FSIP2: variants seen among roughly 807,000 people sequenced by gnomAD.
FSIP2 encodes the protein fibrous sheath interacting protein 2, also known as fibrous sheath-interacting protein 2.
A neutral mutation model predicts 510.5 loss-of-function variants in FSIP2; 367 were observed. That is an observed-to-expected ratio of 0.72 (90% confidence interval 0.66 to 0.78). The LOEUF (loss-of-function observed/expected upper bound fraction) is 0.78, where lower values mean the gene tolerates loss of function less well. Among genes scored for constraint, FSIP2 ranks in the 30% least tolerant of loss-of-function variants. FSIP2 has a pLI of 0.00. For missense variants in FSIP2, 7,594 were observed against 7,901.7 expected, an observed-to-expected ratio of 0.96 and a Z score of 1.48; for synonymous variants, 2,601 against 2,732.2, an observed-to-expected ratio of 0.95 and a Z score of 1.50.
At chr2:185,738,023 C>A (rs1430036184), upstream of FSIP2, among the ~76,000 whole-genome samples, 1 of 152,176 alleles carries the variant, frequency 6.6e-6, no homozygotes, top group Non-Finnish European at 1.5e-5. Flanking sequence ...GAAATGGTAA[C>A]TGTTATTACT....
chr2:185,764,381 T>A (rs1232896235), intron 12 of FSIP2, 121 bp from the exon 13 acceptor site: 1 of 537,402 alleles, frequency 1.9e-6, no homozygotes, highest in African/African-American at 1.9e-5. Flanking sequence ...TAAATTGACA[T>A]TAAAGAGAAA....
chr2:185,737,203 C>T (rs2105518128), upstream of FSIP2, among the ~76,000 whole-genome samples: 1 of 152,318 alleles, frequency 6.6e-6, no homozygotes, highest in Non-Finnish European at 1.5e-5. Flanking sequence ...CTTTGGATTA[C>T]TAACCTCCAT....
intron 7 of FSIP2, among the ~76,000 whole-genome samples, chr2:185,753,517 G>T (rs974093817): frequency 1.3e-5 from 2 of 151,340 alleles, no homozygotes; most frequent in African/African-American, 4.8e-5. Flanking sequence ...ATGTAGAGAG[G>T]TAAATTGCAT....
rs1374437804 is a variant in FSIP2, at chr2:185,800,254, A to G, written c.10948A>G (p.Arg3650Gly). The G allele has an allele frequency of 1.3e-6, 2 of 1,532,876 alleles. No individual in the cohort carries two copies. The highest frequency in any genetic ancestry group is 4.0e-5 in the Admixed American group (2 of 50,574). The allele number at this position is 1,532,876 out of a possible 1,614,324, so 95.0% of individuals were successfully genotyped here. Residue 3650 changes from arginine to glycine, a missense_variant, in exon 17 of 23, where the codon AGA (arginine) becomes GGA (glycine). Physicochemically the swap from Arg to Gly is moderately radical, Grantham distance 125 (BLOSUM62 -2). Transcript: ENST00000424728. ...TGTACCCCTTTGCAACAAAATCAAT[A>G]GACAGGCAAGCCCCAGAGACTGGCA... ...NSVPLCNKIN[R>G]QASPRDWQFS... is the part of the protein sequence containing the mutation.
chr2:185,739,630 T>C (rs1691881921), intron 2 of FSIP2, among the ~76,000 whole-genome samples, 159 bp downstream of exon 2: 1 of 152,236 alleles, frequency 6.6e-6, no homozygotes, highest in Non-Finnish European at 1.5e-5. Flanking sequence ...AGAATGCATA[T>C]GAAGCACTTT....
intron 16 of FSIP2, 164 bp downstream of exon 16, chr2:185,797,690 T>A (rs1042220876): frequency 1.5e-6 from 1 of 686,370 alleles, no homozygotes; most frequent in Non-Finnish European, 2.5e-6. Context: ...TTATTTTAAA[T>A]GTATTATTTT....
At chr2:185,769,671 G>C (rs1294752268) in intron 13 of FSIP2, among the ~76,000 whole-genome samples, 3 of 152,034 alleles carry the variant, frequency 2.0e-5, no homozygotes, top group Non-Finnish European at 4.4e-5. Flanking sequence ...ATTGCTTTTG[G>C]CATCTTCTTC....
chr2:185,830,899 T>C (rs1242272341), intron 21 of FSIP2, among the ~76,000 whole-genome samples: 1 of 151,906 alleles, frequency 6.6e-6, no homozygotes, highest in Non-Finnish European at 1.5e-5. Context: ...CAGGGATCCA[T>C]ACTTTTAAAA....
chr2:185,821,446 A>G (rs1427902156), intron 19 of FSIP2, among the ~76,000 whole-genome samples: 1 of 152,016 alleles, frequency 6.6e-6, no homozygotes, highest in Non-Finnish European at 1.5e-5. Flanking sequence ...TGATGCCAGC[A>G]TTACATTATT....
chr2:185,743,372 C>T (rs894549120), intron 3 of FSIP2, 78 bp downstream of exon 3: 8 of 875,020 alleles, frequency 9.1e-6, no homozygotes, highest in Non-Finnish European at 1.3e-5. Flanking sequence ...GTACCTCACT[C>T]GGGGGGCCTG....
chr2:185,772,072 C>A (rs1395899464), intron 13 of FSIP2, among the ~76,000 whole-genome samples: 1 of 152,178 alleles, frequency 6.6e-6, no homozygotes, highest in Non-Finnish European at 1.5e-5. Context: ...ACAAGTGTGA[C>A]CTTTGGCTCA....
At position 185,794,413 on chromosome 2, in the gene FSIP2, A is replaced by G; in HGVS notation, c.7277A>G (p.Asn2426Ser). ...NSNFSQLALS[N>S]EILLGHKEKE... is the part of the protein sequence containing the mutation. ...AACTTTTCACAATTAGCTTTATCAA[A>G]TGAAATATTGCTGGGTCACAAAGAG... Residue 2426 changes from asparagine to serine, a missense_variant, in exon 16 of 23, where the codon AAT becomes AGT. Transcript: ENST00000424728. The G allele has an allele frequency of 6.6e-7, 1 of 1,517,818 alleles. No homozygotes were observed. The highest frequency in any genetic ancestry group is 8.8e-7 in the Non-Finnish European group (1 of 1,140,198). 94.0% of individuals were successfully genotyped at this position (1,517,818 alleles called of 1,614,324 possible). A position where few individuals can be genotyped will look rare whatever the true frequency, so the allele number is the denominator to read the frequency against.
At chr2:185,753,277 G>C (rs1211892413) in intron 7 of FSIP2, among the ~76,000 whole-genome samples, 1 of 151,262 alleles carries the variant, frequency 6.6e-6, no homozygotes, top group Non-Finnish European at 1.5e-5. Flanking sequence ...GGTTCATTCT[G>C]TATGGATTTA....
intron 7 of FSIP2, among the ~76,000 whole-genome samples, chr2:185,752,363 T>G (rs1214829005): frequency 6.6e-6 from 1 of 151,274 alleles, no homozygotes; most frequent in South Asian, 2.1e-4. Context: ...AATTTTTCTT[T>G]TTATCCCTAG....
chr2:185,795,683 T>A lies in FSIP2; in HGVS notation c.8547T>A (p.Asn2849Lys). The change falls in exon 16 of 23, where the codon AAT becomes AAA. Residue 2849 changes from asparagine (N) to lysine (K), a missense_variant. Transcript: ENST00000424728. The part of the protein sequence containing the change: ...KLFDKWQTES[N>K]DKENEKCKLL... ...TTGACAAGTGGCAAACAGAATCAAA[T>A]GACAAGGAAAATGAAAAATGTAAGC... The A allele has an allele frequency of 1.3e-6, 2 of 1,532,378 alleles. No individual in the cohort carries two copies. The highest frequency in any genetic ancestry group is 2.4e-5 in the South Asian group (2 of 83,568). The allele number at this position is 1,532,378 out of a possible 1,614,324, so 94.9% of individuals were successfully genotyped here.
chr2:185,751,106 T>G (rs995137259), intron 7 of FSIP2, among the ~76,000 whole-genome samples: 1 of 151,590 alleles, frequency 6.6e-6, no homozygotes, highest in Non-Finnish European at 1.5e-5. Flanking sequence ...ATCAAGTTCA[T>G]TGATAGAATT....
In FSIP2 at chr2:185,791,110, C is replaced by A; in HGVS notation, c.3974C>A (p.Thr1325Asn). Residue 1325 changes from threonine to asparagine, a missense_variant, in exon 16 of 23, where the codon ACC becomes AAC. Thr to Asn is a moderately conservative substitution (Grantham distance 65). Coordinates refer to ENST00000424728, the MANE Select transcript of FSIP2 (RefSeq NM_173651.4). ...ENLNLREIDH[T>N]KSLTDKGFFA... ...CTAAATCTTAGGGAGATTGACCATA[C>A]CAAATCCCTTACAGATAAAGGATTT... is the stretch of plus-strand genomic sequence containing the variant. 1 of 1,531,510 alleles carries A rather than the reference C, an allele frequency of 6.5e-7. No individual in the cohort carries two copies. 94.9% of individuals were successfully genotyped at this position (1,531,510 alleles called of 1,614,324 possible).
At chr2:185,770,190 C>A (rs1300717200) in intron 13 of FSIP2, among the ~76,000 whole-genome samples, 3 of 152,162 alleles carry the variant, frequency 2.0e-5, no homozygotes, top group African/African-American at 7.2e-5. Context: ...AATATTAATT[C>A]TTCCTATCTA....
chr2:185,770,113 C>A (rs1181126786), intron 13 of FSIP2, among the ~76,000 whole-genome samples: 1 of 152,028 alleles, frequency 6.6e-6, no homozygotes, highest in South Asian at 2.1e-4. Context: ...GTGAAGAATG[C>A]CATTGGTAGT....
Sources: gnomAD v4.1 joint callset for allele counts (sites outside exome capture counted in the v4.1 genomes callset) on GRCh38, gnomAD v4.1.1 for gene constraint, MANE v1.5 for transcripts, NCBI Gene and HGNC (gene_info 2026-07-23, HGNC 2026-07-21) for gene names.